Variants in ITGA8 observed in about 807,000 individuals in gnomAD.
The protein encoded by ITGA8 is integrin subunit alpha 8, also known as integrin alpha-8.
A neutral mutation model predicts 142.3 loss-of-function variants in ITGA8; 91 were observed. That is an observed-to-expected ratio of 0.64 (90% CI 0.54 to 0.76). ITGA8 has a LOEUF of 0.76. Ranked by LOEUF, ITGA8 falls within the 30% of genes least tolerant of loss-of-function variation. The pLI, the probability that ITGA8 is intolerant of heterozygous loss-of-function variation, is 0.00. For missense variants in ITGA8, 1,406 were observed against 1,327.7 expected, an observed-to-expected ratio of 1.06 and a Z score of -0.92; for synonymous variants, 505 against 485.2, an observed-to-expected ratio of 1.04 and a Z score of -0.54.
At chr10:15,603,927 G>A (rs937513983) in intron 20 of ITGA8, among the ~76,000 whole-genome samples, 2 of 152,150 alleles carry the variant, frequency 1.3e-5, no homozygotes, top group Non-Finnish European at 2.9e-5. Flanking sequence ...CTTTTTGATC[G>A]CATTGGTAAG....
In ITGA8 at chr10:15,537,291, T is replaced by C. The variant is rs144317853; in HGVS notation, c.2881-6140A>G. Among the ~76,000 whole-genome samples, 954 of 152,338 alleles carry C rather than the reference T, an allele frequency of 6.3e-3. 18 individuals are homozygous for C. The highest frequency in any genetic ancestry group is 0.046 in the Admixed American group (705 of 15,304). Reference sequence around the variant, plus strand: ...CAATGTACAGTGTATTCTTAGATTATAATAACGCATTCCTCTTTAGGATTT... The same window carrying C: ...CAATGTACAGTGTATTCTTAGATTACAATAACGCATTCCTCTTTAGGATTT... On this transcript the variant is annotated intron_variant, in intron 27 of 29. Coordinates refer to ENST00000378076, the MANE Select transcript of ITGA8 (RefSeq NM_003638.3).
rs947075677 is a variant in ITGA8, at chr10:15,647,757, C to T, written c.1002-706G>A. Among the ~76,000 whole-genome samples the T allele has an allele frequency of 7.2e-5, 11 of 152,212 alleles. 1 individual carries two copies. Among genetic ancestry groups the T allele is most frequent in the Admixed American group, 4.6e-4 (7 of 15,292 alleles). On this transcript the variant is annotated intron_variant, in intron 11 of 29. Transcript: ENST00000378076. ...GATTACAGGCGTGAGCCACCGCGCC[C>T]GGCCAATTATTCAGTTTTTAATGCA...
At chr10:15,632,564 T>C (rs575477924) in intron 13 of ITGA8, among the ~76,000 whole-genome samples, 1 of 152,134 alleles carries the variant, frequency 6.6e-6, no homozygotes. Flanking sequence ...AGGAGATTAG[T>C]GTATTTGTAA....
chr10:15,533,522 A>G (rs1833354481), intron 27 of ITGA8, among the ~76,000 whole-genome samples: 1 of 152,206 alleles, frequency 6.6e-6, no homozygotes, highest in Admixed American at 6.5e-5. Context: ...AAACTCTAGT[A>G]ATGAGATCTT....
intron 20 of ITGA8, among the ~76,000 whole-genome samples, chr10:15,602,379 C>A (rs1246152001): frequency 6.6e-6 from 1 of 152,088 alleles, no homozygotes; most frequent in Non-Finnish European, 1.5e-5. Context: ...ATAATTACTT[C>A]CTTTATTCTT....
intron 2 of ITGA8, among the ~76,000 whole-genome samples, chr10:15,688,462 C>T (rs1414795828): frequency 1.3e-5 from 2 of 152,078 alleles, no homozygotes; most frequent in Non-Finnish European, 2.9e-5. Flanking sequence ...CAAAGTAAGA[C>T]TCTGTCTCAA....
intron 23 of ITGA8, among the ~76,000 whole-genome samples, chr10:15,577,147 T>A (rs994420461): frequency 6.6e-6 from 1 of 152,094 alleles, no homozygotes; most frequent in Non-Finnish European, 1.5e-5. Flanking sequence ...CTAGGGAAAC[T>A]TTTATTTATT....
chr10:15,606,267 A>G lies in ITGA8; in HGVS notation c.1902+18T>C. ...AGCTTGCTTGAGAAAATGCCGTCAA[A>G]GACTGTGAAGGACTTACCTGTTCAC... On this transcript the variant is annotated intron_variant, in intron 18 of 29. Coordinates refer to ENST00000378076, the MANE Select transcript of ITGA8 (RefSeq NM_003638.3). 1 of 1,582,762 alleles carries G rather than the reference A, an allele frequency of 6.3e-7. No individual in the cohort carries two copies. The highest frequency in any genetic ancestry group is 1.1e-5 in the South Asian group (1 of 88,348).
chr10:15,618,850 A>G (rs1490451459), intron 13 of ITGA8, among the ~76,000 whole-genome samples: 1 of 152,180 alleles, frequency 6.6e-6, no homozygotes, highest in Non-Finnish European at 1.5e-5. Flanking sequence ...GTGTGAGTCA[A>G]TACTCCTTAA....
At chr10:15,686,551 A>G (rs545003126) in intron 3 of ITGA8, among the ~76,000 whole-genome samples, 23 of 152,330 alleles carry the variant, frequency 1.5e-4, no homozygotes, top group African/African-American at 5.5e-4. Flanking sequence ...CATTGATGTG[A>G]AACATACTGA....
intron 9 of ITGA8, 62 bp downstream of exon 9, chr10:15,660,817 T>C (rs1217441377): frequency 2.3e-6 from 3 of 1,302,040 alleles, no homozygotes; most frequent in Non-Finnish European, 2.2e-6. Context: ...CAGATGTAAT[T>C]CCATCAAGGA....
chr10:15,644,569 T>G (rs781769511), intron 12 of ITGA8, among the ~76,000 whole-genome samples: 167 of 144,564 alleles, frequency 1.2e-3, no homozygotes, highest in Non-Finnish European at 4.1e-4. Context: ...CCTCAAGTGA[T>G]CACCCCACCT....
In ITGA8 at chr10:15,705,603, CCTT is replaced by C. The variant is rs199850756; in HGVS notation, c.343+13160_343+13162del. ...ATTAGACTATAATCAAGCTATAATA[CCTT>C]CTTAACTATTAAATTTCTCTGGTCC... On this transcript the variant is annotated intron_variant, in intron 2 of 29. Coordinates refer to ENST00000378076, the MANE Select transcript of ITGA8 (RefSeq NM_003638.3). Among the ~76,000 whole-genome samples, 338 of 152,234 alleles carry C rather than the reference CCTT, an allele frequency of 2.2e-3. 1 individual carries two copies. Among genetic ancestry groups the C allele is most frequent in the African/African-American group, 7.2e-3 (301 of 41,530 alleles).
At chr10:15,568,604 C>T (rs368353256) in intron 25 of ITGA8, among the ~76,000 whole-genome samples, 15 of 152,160 alleles carry the variant, frequency 9.9e-5, no homozygotes, top group Non-Finnish European at 2.1e-4. Flanking sequence ...GGTTATAGAC[C>T]GGTTGTATTT....
chr10:15,654,426 T>C (rs1834146739), intron 11 of ITGA8, among the ~76,000 whole-genome samples: 1 of 152,206 alleles, frequency 6.6e-6, no homozygotes. Context: ...GAGAAGTTTA[T>C]GTTCAATGAA....
intron 13 of ITGA8, among the ~76,000 whole-genome samples, chr10:15,628,135 C>G (rs1833618324): frequency 6.6e-6 from 1 of 151,876 alleles, no homozygotes; most frequent in South Asian, 2.1e-4. Flanking sequence ...CTCGGAATTA[C>G]CCACTCCTTT....
chr10:15,655,649 C>T (rs1307676544), intron 10 of ITGA8, among the ~76,000 whole-genome samples: 1 of 152,142 alleles, frequency 6.6e-6, no homozygotes, highest in African/African-American at 2.4e-5. Flanking sequence ...AACAATCAGC[C>T]CATTTAATCT....
intron 2 of ITGA8, among the ~76,000 whole-genome samples, chr10:15,717,352 T>C (rs1040082558): frequency 6.6e-6 from 1 of 152,226 alleles, no homozygotes; most frequent in African/African-American, 2.4e-5. Context: ...AAAATACAAA[T>C]GATTCGGATA....
At chr10:15,639,724 C>A (rs1833836777) in intron 13 of ITGA8, among the ~76,000 whole-genome samples, 1 of 152,240 alleles carries the variant, frequency 6.6e-6, no homozygotes, top group South Asian at 2.1e-4. Context: ...ACACCAGAAT[C>A]ACCAGGGTCA....
Sources: gnomAD v4.1 joint callset for allele counts (sites outside exome capture counted in the v4.1 genomes callset) on GRCh38, gnomAD v4.1.1 for gene constraint, MANE v1.5 for transcripts, NCBI Gene and HGNC (gene_info 2026-07-23, HGNC 2026-07-21) for gene names.